Variants in PARVB observed in about 807,000 individuals in gnomAD.
PARVB encodes the protein parvin beta, also known as beta-parvin.
A neutral mutation model predicts 47.0 loss-of-function variants in PARVB; 46 were observed. The ratio of observed to expected loss-of-function variants is 0.98; its 90% confidence interval spans 0.77 to 1.25. PARVB has a LOEUF of 1.25. PARVB is among the 50% of genes most tolerant of loss of function. The pLI is 0.00. For synonymous variants in PARVB, 196 were observed against 196.3 expected (o/e 1.00, Z 0.01); for missense variants, 473 against 471.6 (o/e 1.00, Z -0.03).
chr22:44,122,488 AAGAGAGAGAGAGAGAG>A (rs766162295), intron 4 of PARVB, among the ~76,000 whole-genome samples: 16 of 76,618 alleles, frequency 2.1e-4, no homozygotes, highest in African/African-American at 4.9e-4. Flanking sequence ...CCTGTCGATC[AAGAGAGAGAGAGAGAG>A]AGAGAGAGAG....
At chr22:44,044,189 TG>T (rs2051071686) in intron 1 of PARVB, among the ~76,000 whole-genome samples, 2 of 149,362 alleles carry the variant, frequency 1.3e-5, no homozygotes, top group South Asian at 4.2e-4. Context: ...GCATTTTTTG[TG>T]GTTTTTTTTT....
intron 3 of PARVB, among the ~76,000 whole-genome samples, chr22:44,101,752 GAA>G (rs58386939): frequency 1.6e-5 from 2 of 124,642 alleles, no homozygotes; most frequent in African/African-American, 2.7e-5. Context: ...CCATCTCACA[GAA>G]AAAAAAAAAA....
At chr22:44,008,258 C>T (rs138741286) in intron 2 of PARVB, among the ~76,000 whole-genome samples, 29 of 152,170 alleles carry the variant, frequency 1.9e-4, no homozygotes, top group African/African-American at 6.0e-4. Context: ...ATTACAGGCG[C>T]GCATCACCAC....
chr22:44,016,300 G>T (rs1224182953), intron 2 of PARVB, among the ~76,000 whole-genome samples: 3 of 151,876 alleles, frequency 2.0e-5, no homozygotes, highest in Admixed American at 6.6e-5. Context: ...GTTTCACCGT[G>T]TTAGCCAGGA....
chr22:44,115,852 C>G (rs1369437896), intron 3 of PARVB: 1 of 149,816 alleles, frequency 6.7e-6, no homozygotes, highest in African/African-American at 2.5e-5. Context: ...ATACATTGTA[C>G]ATTGTTACTA....
At chr22:44,043,819 C>G (rs1274124720) in intron 1 of PARVB, among the ~76,000 whole-genome samples, 1 of 152,158 alleles carries the variant, frequency 6.6e-6, no homozygotes, top group Non-Finnish European at 1.5e-5. Flanking sequence ...TTGCATGTTT[C>G]CAAGGTGAGA....
intron 9 of PARVB, chr22:44,148,259 C>T (rs6006494): frequency 1.2e-4 from 46 of 369,388 alleles, no homozygotes; most frequent in African/African-American, 8.8e-4. Flanking sequence ...GCCTCATTTA[C>T]CATCTACAGC....
In PARVB at chr22:44,038,222, T is replaced by C. The variant is rs559240453; in HGVS notation, c.112+13771T>C. 2.0e-5 allele frequency among the ~76,000 whole-genome samples: 3 copies of C among 152,338 alleles called. No individual in the cohort carries two copies. The East Asian group carries it at 5.8e-4, about 29-fold the overall frequency. On this transcript the variant is annotated intron_variant, in intron 1 of 12. Transcript: ENST00000338758. ...CTTCCTGGGGTGTGGTGCATTCCCA[T>C]TTCACTGGGAGATAATGATGACCAT...
intron 1 of PARVB, among the ~76,000 whole-genome samples, chr22:44,067,486 C>T (rs1418223872): frequency 6.6e-6 from 1 of 152,256 alleles, no homozygotes; most frequent in Non-Finnish European, 1.5e-5. Flanking sequence ...GATACACACA[C>T]GTCAGGAAGA....
At chr22:44,076,948 C>T (rs1215769935) in intron 1 of PARVB, among the ~76,000 whole-genome samples, 4 of 152,198 alleles carry the variant, frequency 2.6e-5, no homozygotes, top group African/African-American at 9.6e-5. Context: ...GGCTGGAAGT[C>T]GAATTATGAT....
chr22:44,065,308 C>T (rs1344502096), intron 1 of PARVB, among the ~76,000 whole-genome samples: 1 of 151,564 alleles, frequency 6.6e-6, no homozygotes, highest in Admixed American at 6.6e-5. Context: ...ATTTTATTAC[C>T]TTCTCCCTCA....
chr22:44,093,495 C>T (rs374399042), intron 1 of PARVB, among the ~76,000 whole-genome samples: 4 of 152,176 alleles, frequency 2.6e-5, no homozygotes, highest in East Asian at 3.9e-4. Flanking sequence ...TATGCATGAC[C>T]GGAGGGGGTT....
intron 1 of PARVB, among the ~76,000 whole-genome samples, chr22:44,050,896 AAGG>A (rs1449363292): frequency 1.3e-5 from 2 of 152,320 alleles, no homozygotes; most frequent in Admixed American, 6.5e-5. Context: ...CAGGAGCTTG[AAGG>A]AGGAGAAGAG....
intron 1 of PARVB, among the ~76,000 whole-genome samples, chr22:44,085,050 C>A (rs780503331): frequency 2.0e-5 from 3 of 152,164 alleles, no homozygotes; most frequent in Non-Finnish European, 4.4e-5. Flanking sequence ...CTGGAGCATG[C>A]CCTTTCATTT....
intron 3 of PARVB, chr22:44,110,617 TA>T (rs1259685057): frequency 3.3e-5 from 5 of 152,204 alleles, no homozygotes; most frequent in African/African-American, 1.2e-4. Flanking sequence ...ATATTATTAT[TA>T]TTTTTTAGAT....
intron 2 of PARVB, among the ~76,000 whole-genome samples, chr22:44,095,351 A>G (rs2052277414): frequency 1.3e-5 from 2 of 152,084 alleles, no homozygotes; most frequent in African/African-American, 2.4e-5. Context: ...TCTCCTAAGA[A>G]TACAAAAATT....
At chr22:44,020,038 C>T (rs2050630001), upstream of PARVB, among the ~76,000 whole-genome samples, 2 of 152,170 alleles carry the variant, frequency 1.3e-5, no homozygotes, top group Non-Finnish European at 2.9e-5. Flanking sequence ...AGGATTTCTC[C>T]CCGCCAGCAA....
At chr22:44,157,031 ATG>A (rs2053950349) in intron 10 of PARVB, among the ~76,000 whole-genome samples, 1 of 152,258 alleles carries the variant, frequency 6.6e-6, no homozygotes, top group Admixed American at 6.5e-5. Flanking sequence ...ATTTCAGCTT[ATG>A]TATATTTTAT....
chr22:44,083,126 T>A (rs1194338634), intron 1 of PARVB, among the ~76,000 whole-genome samples: 1 of 152,166 alleles, frequency 6.6e-6, no homozygotes, highest in Non-Finnish European at 1.5e-5. Context: ...GGGTTCCTTG[T>A]GAAACACGAC....
Sources: allele counts gnomAD v4.1 joint callset (sites outside exome capture counted in the v4.1 genomes callset), GRCh38; gene constraint gnomAD v4.1.1; transcripts MANE v1.5; gene names NCBI Gene and HGNC (gene_info 2026-07-23, HGNC 2026-07-21).